The following FYN variants were observed in gnomAD, a reference collection of about 807,000 sequenced individuals.
The protein encoded by FYN is FYN proto-oncogene, Src family tyrosine kinase, also known as tyrosine-protein kinase Fyn.
Under a neutral mutation model 70.2 loss-of-function variants are expected in FYN, and 10 were observed. The ratio of observed to expected loss-of-function variants is 0.14; its 90% confidence interval spans 0.09 to 0.24. The LOEUF (loss-of-function observed/expected upper bound fraction) is 0.24. Among genes scored for constraint, FYN ranks in the 10% least tolerant of loss-of-function variants. The pLI, the probability that FYN is intolerant of heterozygous loss-of-function variation, is 1.00. For synonymous variants in FYN, 236 were observed against 248.6 expected, an observed-to-expected ratio of 0.95 and a Z score of 0.48; for missense variants, 319 against 673.1, an observed-to-expected ratio of 0.47 and a Z score of 5.82.
chr6:111,664,438 A>G (rs913193462), intron 13 of FYN, among the ~76,000 whole-genome samples: 2 of 152,182 alleles, frequency 1.3e-5, no homozygotes, highest in African/African-American at 4.8e-5. Flanking sequence ...GTTTCATTTC[A>G]TTAAAAAACA....
chr6:111,764,725 G>C (rs1803160885), intron 3 of FYN, among the ~76,000 whole-genome samples: 1 of 152,140 alleles, frequency 6.6e-6, no homozygotes, highest in Non-Finnish European at 1.5e-5. Flanking sequence ...AGAGCTAAGG[G>C]GTTCCTTTAG....
At position 111,702,909 on chromosome 6, in the gene FYN, G is replaced by A. The variant is rs1325355118; in HGVS notation, c.673C>T (p.Gln225Ter). 1 of 1,614,160 alleles carries A rather than the reference G, an allele frequency of 6.2e-7. No homozygotes were observed. The highest frequency in any genetic ancestry group is 1.3e-5 in the African/African-American group (1 of 75,062). Residue 225 changes from glutamine (Q) to a stop codon, truncating the protein, a stop_gained, in exon 8 of 14, where the codon CAG becomes TAG. Transcript: ENST00000354650. LOFTEE classifies it high-confidence loss of function. ...CCTGAGTAATGTTGTACAAGCTGCT[G>A]AAGTGTTTCAAACTGGGCCCGGGTG... The part of the protein sequence containing the change: ...ITTRAQFETL[Q>*]QLVQHYSERA...
chr6:111,861,580 C>T (rs1773964140), intron 1 of FYN, among the ~76,000 whole-genome samples: 1 of 152,200 alleles, frequency 6.6e-6, no homozygotes, highest in Non-Finnish European at 1.5e-5. Context: ...TCAGCTGCAG[C>T]AGTTGGCCTA....
intron 2 of FYN, among the ~76,000 whole-genome samples, chr6:111,787,325 C>A (rs1407713012): frequency 1.3e-5 from 2 of 152,158 alleles, no homozygotes; most frequent in Non-Finnish European, 2.9e-5. Flanking sequence ...AATAGGGAAT[C>A]CTTTCCCCAT....
At chr6:111,672,496 C>T (rs759504013) in intron 13 of FYN, among the ~76,000 whole-genome samples, 3 of 152,214 alleles carry the variant, frequency 2.0e-5, no homozygotes, top group Non-Finnish European at 4.4e-5. Context: ...GTCCCTGACC[C>T]CATTATCAGA....
intron 13 of FYN, among the ~76,000 whole-genome samples, chr6:111,671,924 T>C (rs938282730): frequency 1.8e-4 from 28 of 152,118 alleles, no homozygotes; most frequent in African/African-American, 4.8e-4. Context: ...CCCAATTAAA[T>C]AGGATTATAG....
At chr6:111,853,585 G>A (rs945470359) in intron 1 of FYN, among the ~76,000 whole-genome samples, 5 of 152,118 alleles carry the variant, frequency 3.3e-5, no homozygotes, top group African/African-American at 1.2e-4. Context: ...GACATCAGGA[G>A]AGCAACATGA....
chr6:111,684,922 T>A (rs1168601566), intron 12 of FYN, among the ~76,000 whole-genome samples: 2 of 152,168 alleles, frequency 1.3e-5, no homozygotes, highest in Non-Finnish European at 2.9e-5. Context: ...ATACTGAGGC[T>A]CTGAATAATT....
chr6:111,679,656 C>T (rs1354472893), intron 12 of FYN, among the ~76,000 whole-genome samples: 3 of 152,138 alleles, frequency 2.0e-5, no homozygotes, highest in African/African-American at 4.8e-5. Flanking sequence ...TTGGTGACAG[C>T]ACCAGTGTCA....
chr6:111,665,306 AT>A (rs3831520), intron 13 of FYN, among the ~76,000 whole-genome samples: 5,584 of 152,260 alleles, frequency 0.037, 125 homozygotes, highest in East Asian at 0.097. Flanking sequence ...AAAATACAGT[AT>A]TCTCAGCTAT....
At chr6:111,853,591 C>T (rs1315339410) in intron 1 of FYN, among the ~76,000 whole-genome samples, 1 of 152,090 alleles carries the variant, frequency 6.6e-6, no homozygotes, top group African/African-American at 2.4e-5. Flanking sequence ...AGGAGAGCAA[C>T]ATGATCTCAT....
chr6:111,855,412 T>C (rs535400464), intron 1 of FYN, among the ~76,000 whole-genome samples: 2 of 152,364 alleles, frequency 1.3e-5, no homozygotes, highest in South Asian at 4.1e-4. Flanking sequence ...GAATGTTACT[T>C]AGAATGTGTT....
intron 2 of FYN, chr6:111,781,162 G>A (rs1771155887): frequency 6.6e-6 from 1 of 152,142 alleles, no homozygotes; most frequent in African/African-American, 2.4e-5. Context: ...ACACGACATA[G>A]AAGGGCTTAT....
chr6:111,817,873 G>A (rs898410791), intron 2 of FYN, among the ~76,000 whole-genome samples: 48 of 152,326 alleles, frequency 3.2e-4, no homozygotes, highest in Admixed American at 2.0e-4. Context: ...TCCAACAAGA[G>A]CAGCGTGATT....
chr6:111,855,513 T>C (rs1363363127), intron 1 of FYN, among the ~76,000 whole-genome samples: 1 of 152,202 alleles, frequency 6.6e-6, no homozygotes, highest in Admixed American at 6.5e-5. Context: ...AACTAATAGT[T>C]ATATATACCC....
chr6:111,779,022 C>T (rs1184211175), intron 3 of FYN, among the ~76,000 whole-genome samples: 2 of 151,996 alleles, frequency 1.3e-5, no homozygotes, highest in Non-Finnish European at 2.9e-5. Flanking sequence ...CCCTGTAGGC[C>T]CTAACTGTCC....
chr6:111,700,039 A>G (rs1355161783), intron 9 of FYN, 65 bp downstream of exon 9: 20 of 1,443,620 alleles, frequency 1.4e-5, no homozygotes, highest in African/African-American at 2.8e-5. Flanking sequence ...TTCACCTTCC[A>G]TCTTTGGTGT....
intron 3 of FYN, among the ~76,000 whole-genome samples, chr6:111,743,244 C>T (rs996785150): frequency 4.6e-5 from 7 of 152,098 alleles, no homozygotes; most frequent in African/African-American, 4.8e-5. Context: ...GGATTATAGG[C>T]GTGAGCCACC....
chr6:111,800,956 T>A (rs1285946365), intron 2 of FYN, among the ~76,000 whole-genome samples: 3 of 152,224 alleles, frequency 2.0e-5, no homozygotes. Flanking sequence ...AAAAGTCTAA[T>A]CACTATTTGC....
Sources: gnomAD v4.1 joint callset for allele counts (sites outside exome capture counted in the v4.1 genomes callset) on GRCh38, gnomAD v4.1.1 for gene constraint, MANE v1.5 for transcripts, NCBI Gene and HGNC (gene_info 2026-07-23, HGNC 2026-07-21) for gene names.